XRCC6: variants seen among roughly 807,000 people sequenced by gnomAD.
XRCC6 encodes the protein DNA repair protein Ku70.
Under a neutral mutation model 65.7 loss-of-function variants are expected in XRCC6, and 5 were observed. That is an observed-to-expected ratio of 0.08 (90% CI 0.04 to 0.16). The LOEUF (loss-of-function observed/expected upper bound fraction) is 0.16. XRCC6 is among the 10% of genes least tolerant of loss of function. The pLI is 1.00. For missense variants in XRCC6, 447 were observed against 738.1 expected (o/e 0.61, Z 4.57); for synonymous variants, 270 against 270.6 (o/e 1.00, Z 0.02).
chr22:41,649,160 A>ATATATATATATATATATG (rs1376197191), intron 7 of XRCC6, among the ~76,000 whole-genome samples: 86 of 125,780 alleles, frequency 6.8e-4, no homozygotes, highest in Admixed American at 1.5e-3. Context: ...ATATATATAT[A>ATATATATATATATATATG]TATGTATGTA....
At chr22:41,657,298 C>T (rs890111264) in intron 10 of XRCC6, among the ~76,000 whole-genome samples, 12 of 151,994 alleles carry the variant, frequency 7.9e-5, no homozygotes, top group African/African-American at 2.2e-4. Flanking sequence ...GATTCTTATT[C>T]GCCCTTCTCC....
intron 8 of XRCC6, among the ~76,000 whole-genome samples, chr22:41,652,484 C>A (rs2068009867): frequency 6.6e-6 from 1 of 151,834 alleles, no homozygotes; most frequent in Non-Finnish European, 1.5e-5. Flanking sequence ...CCCACCTCAC[C>A]CTCTCGAGCA....
chr22:41,642,411 C>A (rs1285480698), intron 6 of XRCC6, among the ~76,000 whole-genome samples: 1 of 152,116 alleles, frequency 6.6e-6, no homozygotes. Flanking sequence ...TTTCTCTTCT[C>A]TTTGTCGATC....
intron 2 of XRCC6, 25 bp from the exon 3 acceptor site, chr22:41,628,093 T>G: frequency 6.6e-7 from 1 of 1,521,680 alleles, no homozygotes; most frequent in Non-Finnish European, 9.0e-7. Context: ...AGGACAAACA[T>G]TTTCTTCCAT....
chr22:41,632,996 G>C (rs2067772161), intron 3 of XRCC6, among the ~76,000 whole-genome samples: 1 of 152,054 alleles, frequency 6.6e-6, no homozygotes, highest in African/African-American at 2.4e-5. Context: ...GTGTGGTGGC[G>C]TGCGCCTGTA....
At chr22:41,644,590 A>G (rs949755375) in intron 6 of XRCC6, among the ~76,000 whole-genome samples, 2 of 152,024 alleles carry the variant, frequency 1.3e-5, no homozygotes, top group African/African-American at 2.4e-5. Context: ...GGTTCAAGCA[A>G]TTCTCCTGCC....
intron 11 of XRCC6, among the ~76,000 whole-genome samples, chr22:41,658,629 TAA>T (rs947356403): frequency 1.3e-5 from 2 of 152,078 alleles, no homozygotes; most frequent in Non-Finnish European, 2.9e-5. Context: ...AAAAATAATA[TAA>T]GAGGCTGGGC....
chr22:41,626,730 C>T (rs189830878), intron 2 of XRCC6, among the ~76,000 whole-genome samples: 7 of 152,030 alleles, frequency 4.6e-5, no homozygotes, highest in East Asian at 1.9e-4. Context: ...CTCCCCCTCC[C>T]GGGTTCATGC....
intron 3 of XRCC6, among the ~76,000 whole-genome samples, chr22:41,632,456 C>G (rs545922915): frequency 1.1e-4 from 16 of 151,988 alleles, no homozygotes; most frequent in South Asian, 6.2e-4. Context: ...ACTCAAAATA[C>G]AAAAATTAGC....
intron 6 of XRCC6, among the ~76,000 whole-genome samples, chr22:41,640,791 C>T (rs1358536745): frequency 6.6e-6 from 1 of 152,112 alleles, no homozygotes; most frequent in African/African-American, 2.4e-5. Flanking sequence ...GTTTATACTA[C>T]AGTTTGGAAG....
intron 3 of XRCC6, among the ~76,000 whole-genome samples, chr22:41,635,616 C>T (rs989439468): frequency 5.9e-5 from 9 of 152,122 alleles, no homozygotes; most frequent in Non-Finnish European, 1.2e-4. Context: ...TCTCTGCTCA[C>T]TGCAGCCTTC....
At chr22:41,650,635 A>G in intron 7 of XRCC6, 88 bp from the exon 8 acceptor site, 1 of 1,429,554 alleles carries the variant, frequency 7.0e-7, no homozygotes, top group Admixed American at 1.8e-5. Flanking sequence ...AAGAGAGCTG[A>G]TTTTAACTTG....
intron 3 of XRCC6, among the ~76,000 whole-genome samples, chr22:41,631,249 C>G (rs996560851): frequency 3.4e-5 from 5 of 147,958 alleles, no homozygotes; most frequent in African/African-American, 7.5e-5. Context: ...CCGGATGGGG[C>G]GGCTGGCCTG....
In XRCC6 at chr22:41,661,380, G is replaced by A; in HGVS notation, c.1572G>A (p.Glu524=). ...MNKRLGSLVD[E]FKELVYPPDY... ...AAAGACTGGGCTCCTTGGTGGATGA[G>A]TTTAAGGAGCTTGTTTACCCACCAG... Residue 524 remains glutamate (E), a synonymous_variant, in exon 12 of 13, where the codon GAG becomes GAA. Coordinates refer to ENST00000360079, the MANE Select transcript of XRCC6 (RefSeq NM_001469.5). The A allele has an allele frequency of 6.2e-7, 1 of 1,614,160 alleles. No individual in the cohort carries two copies. Among genetic ancestry groups the A allele is most frequent in the Non-Finnish European group, 8.5e-7 (1 of 1,180,026 alleles).
chr22:41,626,012 G>C (rs140287788), intron 2 of XRCC6, among the ~76,000 whole-genome samples: 226 of 151,398 alleles, frequency 1.5e-3, no homozygotes, highest in African/African-American at 5.3e-3. Context: ...CTAATTTTTT[G>C]TATTTTTAGT....
At chr22:41,653,238 T>C (rs2068017476) in intron 8 of XRCC6, among the ~76,000 whole-genome samples, 1 of 151,972 alleles carries the variant, frequency 6.6e-6, no homozygotes. Flanking sequence ...ACTTTGTCTC[T>C]ACAAAAAATC....
chr22:41,639,487 C>T (rs548665676), intron 6 of XRCC6, among the ~76,000 whole-genome samples: 1 of 150,896 alleles, frequency 6.6e-6, no homozygotes, highest in East Asian at 1.9e-4. Context: ...GCGTGTGCCA[C>T]CATGCTCTGC....
intron 3 of XRCC6, among the ~76,000 whole-genome samples, chr22:41,631,952 C>G (rs1319661432): frequency 6.6e-6 from 1 of 151,882 alleles, no homozygotes; most frequent in African/African-American, 2.4e-5. Flanking sequence ...ACAGCGAAAC[C>G]CCGTCTCCAC....
chr22:41,622,081 C>T lies in XRCC6; in HGVS notation c.77C>T (p.Ala26Val). The T allele has an allele frequency of 6.2e-7, 1 of 1,614,210 alleles. No individual in the cohort carries two copies. The highest frequency in any genetic ancestry group is 8.5e-7 in the Non-Finnish European group (1 of 1,180,020). ...AEEEQEENLE[A>V]SGDYKYSGRD... Reference sequence around the variant, plus strand: ...GAAGAACAAGAAGAGAACCTTGAAGCAAGTGGTAAGTGACTTCAGCATGTA... The same window carrying T: ...GAAGAACAAGAAGAGAACCTTGAAGTAAGTGGTAAGTGACTTCAGCATGTA... The change falls in exon 2 of 13, where the codon GCA (alanine) becomes GTA (valine). Residue 26 changes from alanine (A) to valine (V), a missense_variant. Ala to Val is a moderately conservative substitution (Grantham distance 64). Coordinates refer to ENST00000360079, the MANE Select transcript of XRCC6 (RefSeq NM_001469.5).
Sources: gnomAD v4.1 joint callset for allele counts (sites outside exome capture counted in the v4.1 genomes callset) on GRCh38, gnomAD v4.1.1 for gene constraint, MANE v1.5 for transcripts, NCBI Gene and HGNC (gene_info 2026-07-23, HGNC 2026-07-21) for gene names.